DLG2: variants seen among roughly 807,000 people sequenced by gnomAD.
DLG2 encodes disks large homolog 2.
DLG2 carries 45 observed loss-of-function variants against 132.5 expected under a neutral mutation model. The ratio of observed to expected loss-of-function variants is 0.34; its 90% CI spans 0.27 to 0.44. The LOEUF (loss-of-function observed/expected upper bound fraction) is 0.44. DLG2 is among the 20% of genes least tolerant of loss of function. The pLI is 1.00. For synonymous variants in DLG2, 424 were observed against 419.6 expected (o/e 1.01, Z -0.13); for missense variants, 1,045 against 1,196.9 (o/e 0.87, Z 1.87).
intron 9 of DLG2, among the ~76,000 whole-genome samples, chr11:84,106,842 TTTGAG>T (rs2092960220): frequency 3.0e-5 from 3 of 100,058 alleles, no homozygotes; most frequent in East Asian, 3.1e-4. Flanking sequence ...TGTGTGTGTG[TTTGAG>T]TGAGTGTGTG....
chr11:84,526,502 T>C (rs1296426980), intron 7 of DLG2, among the ~76,000 whole-genome samples: 1 of 152,184 alleles, frequency 6.6e-6, no homozygotes, highest in Non-Finnish European at 1.5e-5. Context: ...AGGTTGCACT[T>C]TTCATGCAGT....
chr11:83,736,114 A>G (rs2091862772), intron 18 of DLG2, among the ~76,000 whole-genome samples: 1 of 152,200 alleles, frequency 6.6e-6, no homozygotes. Context: ...TTTTATTTTA[A>G]TAACTCTGCC....
intron 6 of DLG2, among the ~76,000 whole-genome samples, chr11:84,867,519 T>C (rs772884185): frequency 9.9e-5 from 15 of 152,184 alleles, no homozygotes; most frequent in Non-Finnish European, 1.6e-4. Flanking sequence ...GCCTTTGTTT[T>C]TTAAGGCTAA....
chr11:83,850,162 T>TGTGTG (rs59045992), intron 16 of DLG2, among the ~76,000 whole-genome samples: 7,758 of 115,388 alleles, frequency 0.067, 288 homozygotes, highest in East Asian at 0.097. Context: ...GTGTGTGTGT[T>TGTGTG]TTTTTACTTG....
At chr11:85,281,627 C>T (rs561711382) in intron 4 of DLG2, among the ~76,000 whole-genome samples, 10 of 152,010 alleles carry the variant, frequency 6.6e-5, no homozygotes, top group African/African-American at 1.9e-4. Context: ...TTCCAATAGC[C>T]TCTAAGGCTA....
chr11:83,688,989 G>A (rs772683296), intron 18 of DLG2, among the ~76,000 whole-genome samples: 2 of 152,108 alleles, frequency 1.3e-5, no homozygotes, highest in South Asian at 2.1e-4. Flanking sequence ...ACATTATTAC[G>A]TTGAATGCCA....
chr11:85,490,960 G>T (rs2093546627), intron 3 of DLG2, among the ~76,000 whole-genome samples: 1 of 151,776 alleles, frequency 6.6e-6, no homozygotes, highest in Non-Finnish European at 1.5e-5. Context: ...ACCAGACAAG[G>T]ATACAACAAA....
chr11:84,483,614 T>C (rs1232925611), intron 7 of DLG2, among the ~76,000 whole-genome samples: 1 of 152,074 alleles, frequency 6.6e-6, no homozygotes, highest in Non-Finnish European at 1.5e-5. Context: ...ACACTCTTAA[T>C]TGAAATAAGG....
chr11:84,287,486 A>G (rs2097921232), intron 7 of DLG2, among the ~76,000 whole-genome samples: 1 of 152,086 alleles, frequency 6.6e-6, no homozygotes, highest in African/African-American at 2.4e-5. Flanking sequence ...AGACTCAAGT[A>G]AGACTTGTCT....
chr11:84,550,201 G>A (rs913976188), intron 6 of DLG2, among the ~76,000 whole-genome samples: 5 of 151,828 alleles, frequency 3.3e-5, no homozygotes, highest in Admixed American at 6.6e-5. Flanking sequence ...CCATTACAGG[G>A]AACAGGCTTC....
intron 6 of DLG2, among the ~76,000 whole-genome samples, chr11:85,068,777 T>C (rs1314377420): frequency 1.3e-5 from 2 of 152,134 alleles, no homozygotes; most frequent in Admixed American, 6.6e-5. Context: ...CCAATGACTT[T>C]CTTCACAGAA....
In DLG2 at chr11:84,287,755, C is replaced by T. The variant is rs866943956; in HGVS notation, c.520-36464G>A. On this transcript the variant is annotated intron_variant, in intron 7 of 27. Coordinates refer to ENST00000376104, the MANE Select transcript of DLG2 (RefSeq NM_001142699.3). ...TCTCTCTCTTAGACACACACACACA[C>T]ACACACACACACACACACACACACA... is the stretch of plus-strand genomic sequence containing the variant. 4.0e-4 allele frequency among the ~76,000 whole-genome samples: 60 copies of T among 150,974 alleles called. 1 individual carries two copies. The South Asian group carries it at 0.012, about 30-fold the overall frequency.
intron 18 of DLG2, among the ~76,000 whole-genome samples, chr11:83,709,627 C>A (rs1209142743): frequency 6.6e-6 from 1 of 152,166 alleles, no homozygotes; most frequent in Non-Finnish European, 1.5e-5. Flanking sequence ...GCTTTCTCAG[C>A]ATCTGCAGGT....
chr11:84,862,277 C>T (rs2043251838), intron 6 of DLG2, among the ~76,000 whole-genome samples: 1 of 152,124 alleles, frequency 6.6e-6, no homozygotes, highest in African/African-American at 2.4e-5. Flanking sequence ...GAGATACCAC[C>T]TCATGCCAGT....
chr11:84,946,475 T>G (rs920217121), intron 6 of DLG2, among the ~76,000 whole-genome samples: 1 of 151,972 alleles, frequency 6.6e-6, no homozygotes, highest in African/African-American at 2.4e-5. Flanking sequence ...AGCAGGTTCC[T>G]TTATGGCCCA....
intron 6 of DLG2, among the ~76,000 whole-genome samples, chr11:84,775,971 T>C (rs2070398651): frequency 6.6e-6 from 1 of 152,196 alleles, no homozygotes; most frequent in Non-Finnish European, 1.5e-5. Context: ...TGCGAAGAGC[T>C]CTTTTGTTTG....
At chr11:85,000,464 G>A (rs1263385961) in intron 6 of DLG2, among the ~76,000 whole-genome samples, 1 of 151,988 alleles carries the variant, frequency 6.6e-6, no homozygotes, top group East Asian at 1.9e-4. Context: ...GACAATATTG[G>A]GAAAGTCAGT....
At chr11:84,821,627 TAA>T (rs770947930) in intron 6 of DLG2, among the ~76,000 whole-genome samples, 7 of 70,908 alleles carry the variant, frequency 9.9e-5, no homozygotes, top group Non-Finnish European at 1.6e-4. Context: ...TCATACAATG[TAA>T]AAAAAAAAAA....
At chr11:84,890,666 G>A (rs1322520232) in intron 6 of DLG2, 4 of 151,582 alleles carry the variant, frequency 2.6e-5, no homozygotes, top group Non-Finnish European at 5.9e-5. Flanking sequence ...AAAAGGCAAT[G>A]ACAGCCAGAT....
Sources: allele counts gnomAD v4.1 joint callset (sites outside exome capture counted in the v4.1 genomes callset), GRCh38; gene constraint gnomAD v4.1.1; transcripts MANE v1.5; gene names NCBI Gene and HGNC (gene_info 2026-07-23, HGNC 2026-07-21).